BMS1: variants seen among roughly 807,000 people sequenced by gnomAD.
The protein encoded by BMS1 is BMS1 ribosome biogenesis factor, also known as ribosome biogenesis protein BMS1 homolog.
A neutral mutation model predicts 138.7 loss-of-function variants in BMS1; 53 were observed. The ratio of observed to expected loss-of-function variants is 0.38; its 90% CI spans 0.31 to 0.48. The LOEUF is 0.48. Ranked by LOEUF, BMS1 falls within the 20% of genes least tolerant of loss-of-function variation. The probability of loss-of-function intolerance (pLI) is 0.97; values close to 1 mark genes in which losing one functional copy is unlikely to be tolerated. For synonymous variants in BMS1, 504 were observed against 539.9 expected (o/e 0.93, Z 0.92); for missense variants, 1,360 against 1,565.5 (o/e 0.87, Z 2.22).
intron 13 of BMS1, among the ~76,000 whole-genome samples, chr10:42,811,354 C>CT (rs1185984604): frequency 6.7e-6 from 1 of 150,090 alleles, no homozygotes; most frequent in Admixed American, 6.7e-5. Flanking sequence ...ATTTCTGCCC[C>CT]TTATTATTTC....
Position 42,797,178 on chromosome 10 carries a change from T to G in BMS1, c.1934T>G (p.Leu645Arg), listed in dbSNP as rs778656096. Residue 645 changes from leucine to arginine, a missense_variant, in exon 10 of 23, where the codon CTC (leucine) becomes CGC (arginine). By Grantham distance (102) the Leu-to-Arg change is moderately radical (BLOSUM62 -2). Coordinates refer to ENST00000374518, the MANE Select transcript of BMS1 (RefSeq NM_014753.4). ...IDETSDIENL[L>R]KEEEDYKEEN... ...GAGACCAGTGATATAGAAAATTTACTCAAAGAGGAAGAAGATTACAAGGAA... is the reference window on the plus strand; with the variant it reads ...GAGACCAGTGATATAGAAAATTTACGCAAAGAGGAAGAAGATTACAAGGAA... The G allele has an allele frequency of 1.1e-5, 18 of 1,612,300 alleles. No homozygotes were observed. The highest frequency in any genetic ancestry group is 1.4e-5 in the Non-Finnish European group (16 of 1,179,444).
Position 42,823,874 on chromosome 10 carries a change from T to G in BMS1, c.3456+90T>G, listed in dbSNP as rs1342913588. ...CACTTTTCTATAATTTCTTACATGCTTTGAATGTTCAAGTATAAAGTCTAA... is the reference window on the plus strand; with the variant it reads ...CACTTTTCTATAATTTCTTACATGCGTTGAATGTTCAAGTATAAAGTCTAA... On this transcript the variant is annotated intron_variant, in intron 21 of 22. Transcript: ENST00000374518. 8.8e-6 allele frequency: 10 copies of G among 1,141,782 alleles called. No homozygotes were observed. In the Admixed American group the frequency reaches 3.1e-4, roughly 36 times the overall value. The allele number at this position is 1,141,782 out of a possible 1,614,324, so 70.7% of individuals were successfully genotyped here.
Position 42,823,337 on chromosome 10 carries a change from G to A in BMS1, c.3280+72G>A, listed in dbSNP as rs1842555805. 8.8e-6 allele frequency: 13 copies of A among 1,484,516 alleles called. No individual in the cohort carries two copies. The Admixed American group carries it at 2.7e-4, about 31-fold the overall frequency. The allele number at this position is 1,484,516 out of a possible 1,614,324, so 92.0% of individuals were successfully genotyped here. On this transcript the variant is annotated intron_variant, in intron 20 of 22. Coordinates refer to ENST00000374518, the MANE Select transcript of BMS1 (RefSeq NM_014753.4). ...TTGACTTCTAGCCAGTGTGACGAGA[G>A]GCTGGAGTCAGGTCTCTAGAGAGTT... is the stretch of plus-strand genomic sequence containing the variant.
intron 3 of BMS1, among the ~76,000 whole-genome samples, chr10:42,786,888 G>A (rs1841349209): frequency 6.6e-6 from 1 of 152,204 alleles, no homozygotes; most frequent in African/African-American, 2.4e-5. Flanking sequence ...CAGGATCATG[G>A]TTATCATGGA....
chr10:42,786,563 C>T (rs147430443), intron 3 of BMS1, among the ~76,000 whole-genome samples: 220 of 151,700 alleles, frequency 1.5e-3, no homozygotes, highest in African/African-American at 5.0e-3. Context: ...TATGCCACCA[C>T]GCCTGGCTAA....
chr10:42,819,274 C>T lies in BMS1; in HGVS notation c.2581-962C>T, dbSNP rs549564889. Among the ~76,000 whole-genome samples, 4 of 152,232 alleles carry T rather than the reference C, an allele frequency of 2.6e-5. No individual in the cohort carries two copies. The South Asian group carries it at 6.2e-4, about 24-fold the overall frequency. ...TAGAGGCATGGACAAATATTCTGTG[C>T]CTGAGCTGCCTGTAGAACTTTCTGT... is the stretch of plus-strand genomic sequence containing the variant. On this transcript the variant is annotated intron_variant, in intron 15 of 22. Transcript: ENST00000374518.
At position 42,790,487 on chromosome 10, in the gene BMS1, C is replaced by T. The variant is rs774024253; in HGVS notation, c.612C>T (p.His204=). 5.0e-6 allele frequency: 8 copies of T among 1,613,796 alleles called. No homozygotes were observed. In the East Asian group the frequency reaches 8.9e-5, roughly 18 times the overall value. The change falls in exon 5 of 23, where the codon CAC becomes CAT. Residue 204 remains histidine, a synonymous_variant. Coordinates refer to ENST00000374518, the MANE Select transcript of BMS1 (RefSeq NM_014753.4). ...AGAAGACAAAGAAGCGATTAAAACA[C>T]AGGTTCTGGACGGAAGTTTACCCGG... ...QLKKTKKRLK[H]RFWTEVYPGA...
At position 42,800,511 on chromosome 10, in the gene BMS1, A is replaced by G. The variant is rs569424236; in HGVS notation, c.2248-1626A>G. On this transcript the variant is annotated intron_variant, in intron 12 of 22. Coordinates refer to ENST00000374518, the MANE Select transcript of BMS1 (RefSeq NM_014753.4). ...TTCGGTTATCCACTGCCATATATAT[A>G]GGGTAAATGCTTGATTTTTTTTTTT... Among the ~76,000 whole-genome samples, 15 of 150,968 alleles carry G rather than the reference A, an allele frequency of 9.9e-5. No homozygotes were observed. In the South Asian group the frequency reaches 3.2e-3, roughly 32 times the overall value.
chr10:42,817,295 A>T, intron 14 of BMS1, 23 bp from the exon 15 acceptor site: 1 of 1,529,282 alleles, frequency 6.5e-7, no homozygotes, highest in Non-Finnish European at 8.8e-7. Context: ...CATACACAAA[A>T]TTTTTTCTTC....
Position 42,802,194 on chromosome 10 carries a change from G to T in BMS1, c.2305G>T (p.Ala769Ser). The T allele has an allele frequency of 6.2e-7, 1 of 1,613,512 alleles. No individual in the cohort carries two copies. The highest frequency in any genetic ancestry group is 8.5e-7 in the Non-Finnish European group (1 of 1,179,690). The part of the protein sequence containing the change: ...VTGKWEDDKD[A>S]AKVLAEDEEL... ...TGGAAAGTGGGAAGATGATAAAGAT[G>T]CAGCCAAGGTCTTAGCAGAAGATGG... Residue 769 changes from alanine (A) to serine (S), a missense_variant, in exon 13 of 23, where the codon GCA becomes TCA. This residue lies in a region of BMS1 where 697 missense variants were observed against 686.2 expected (regional missense o/e 1.02). Transcript: ENST00000374518.
rs1174288121 is a variant in BMS1 at position 42,817,570 on chromosome 10, C to A, written c.2580+76C>A. ...CAGGAATCCCTGACTTTGTTTGGGT[C>A]CCTACGTCCTATCCTGCTTCTGTGT... On this transcript the variant is annotated intron_variant, in intron 15 of 22. Transcript: ENST00000374518. 2.1e-6 allele frequency: 3 copies of A among 1,401,776 alleles called. No individual in the cohort carries two copies. The East Asian group carries it at 6.9e-5, about 32-fold the overall frequency. 86.8% of individuals were successfully genotyped at this position (1,401,776 alleles called of 1,614,324 possible).
At chr10:42,801,001 A>G (rs983105832) in intron 12 of BMS1, among the ~76,000 whole-genome samples, 1 of 152,198 alleles carries the variant, frequency 6.6e-6, no homozygotes, top group African/African-American at 2.4e-5. Context: ...GTCTGTGCAC[A>G]CCAGCTCCTG....
At chr10:42,812,318 A>G (rs1222930432) in intron 13 of BMS1, among the ~76,000 whole-genome samples, 5 of 152,106 alleles carry the variant, frequency 3.3e-5, no homozygotes, top group African/African-American at 9.7e-5. Flanking sequence ...GCTAAATTCA[A>G]AATTTTTTGG....
rs549303399 is a variant in BMS1, at chr10:42,805,996, C to T, written c.2329+3778C>T. On this transcript the variant is annotated intron_variant, in intron 13 of 22. Transcript: ENST00000374518. ...TTTATTTTTAGTAGAAATGGGGTTT[C>T]ACCAGGTTGGCCAGGCTAGTCTCAA... Among the ~76,000 whole-genome samples, 16 of 152,230 alleles carry T rather than the reference C, an allele frequency of 1.1e-4. No individual in the cohort carries two copies. The South Asian group carries it at 2.9e-3, about 28-fold the overall frequency.
At position 42,797,035 on chromosome 10, in the gene BMS1, C is replaced by T. The variant is rs1339380570; in HGVS notation, c.1791C>T (p.Ser597=). The T allele has an allele frequency of 1.2e-6, 2 of 1,614,012 alleles. No homozygotes were observed. Among genetic ancestry groups the T allele is most frequent in the Non-Finnish European group, 1.7e-6 (2 of 1,180,002 alleles). ...VFASEDESEE[S]SSLSAEEEDS... ...CATCTGAAGATGAATCTGAAGAAAG[C>T]TCCTCACTCAGTGCAGAGGAAGAAG... The change falls in exon 10 of 23, where the codon AGC becomes AGT. Residue 597 remains serine (S), a synonymous_variant. Transcript: ENST00000374518.
intron 12 of BMS1, among the ~76,000 whole-genome samples, chr10:42,799,874 A>G (rs979153464): frequency 2.0e-5 from 3 of 152,114 alleles, no homozygotes; most frequent in Non-Finnish European, 2.9e-5. Flanking sequence ...ATCTTTTAAC[A>G]TTTTTAGTCA....
rs1841693831 is a variant in BMS1, at chr10:42,796,656, C to T, written c.1412C>T (p.Ala471Val). 1.2e-6 allele frequency: 2 copies of T among 1,614,024 alleles called. No individual in the cohort carries two copies. The highest frequency in any genetic ancestry group is 1.3e-5 in the African/African-American group (1 of 74,904). The part of the protein sequence containing the change: ...SDEEAEEEEN[A>V]EMTDQYMAVK... ...GAGGAAGCAGAAGAGGAGGAAAATG[C>T]TGAGATGACTGATCAGTATATGGCT... Residue 471 changes from alanine (A) to valine (V), a missense_variant, in exon 10 of 23, where the codon GCT (alanine) becomes GTT (valine). This residue lies in a region of BMS1 where 697 missense variants were observed against 686.2 expected (regional missense o/e 1.02). Transcript: ENST00000374518.
chr10:42,814,543 T>C (rs1410514850), intron 13 of BMS1, among the ~76,000 whole-genome samples: 3 of 152,254 alleles, frequency 2.0e-5, no homozygotes, highest in Non-Finnish European at 4.4e-5. Context: ...CTGACTGTTA[T>C]AAGTGATGAG....
chr10:42,804,732 T>A (rs1367066078), intron 13 of BMS1, among the ~76,000 whole-genome samples: 10 of 43,810 alleles, frequency 2.3e-4, no homozygotes, highest in East Asian at 2.8e-3. Flanking sequence ...AAAAAAAAAT[T>A]TTTTTTTTTT....
Sources: allele counts gnomAD v4.1 joint callset (sites outside exome capture counted in the v4.1 genomes callset), GRCh38; gene constraint gnomAD v4.1.1; regional missense constraint gnomAD v4.1.1; transcripts MANE v1.5; gene names NCBI Gene and HGNC (gene_info 2026-07-23, HGNC 2026-07-21).